The following RORA variants were observed in gnomAD, a reference collection of about 807,000 sequenced individuals.
The protein encoded by RORA is nuclear receptor ROR-alpha.
A neutral mutation model predicts 69.5 loss-of-function variants in RORA; 7 were observed. The observed-to-expected ratio is 0.10, with a 90% confidence interval of 0.06 to 0.19. The LOEUF (loss-of-function observed/expected upper bound fraction) is 0.19. RORA is among the 10% of genes least tolerant of loss of function. RORA has a pLI of 1.00. For missense variants in RORA, 457 were observed against 663.0 expected (o/e 0.69, Z 3.41); for synonymous variants, 261 against 240.8 (o/e 1.08, Z -0.78).
chr15:61,091,558 A>G (rs1595975463), intron 1 of RORA, among the ~76,000 whole-genome samples: 1 of 152,012 alleles, frequency 6.6e-6, no homozygotes, highest in Non-Finnish European at 1.5e-5. Flanking sequence ...ATGCCATGAA[A>G]CCTCTGGGAT....
chr15:60,881,914 C>T (rs2073684436), intron 1 of RORA, among the ~76,000 whole-genome samples: 1 of 152,216 alleles, frequency 6.6e-6, no homozygotes, highest in Non-Finnish European at 1.5e-5. Context: ...TAATTCATCA[C>T]CTTGTTGGCT....
chr15:60,969,503 T>G (rs1334778925), intron 1 of RORA, among the ~76,000 whole-genome samples: 2 of 152,198 alleles, frequency 1.3e-5, no homozygotes, highest in African/African-American at 2.4e-5. Context: ...TCAAAGGATA[T>G]TCACAGGATT....
chr15:61,181,622 C>T (rs112599529), intron 1 of RORA, among the ~76,000 whole-genome samples: 18 of 103,536 alleles, frequency 1.7e-4, no homozygotes, highest in East Asian at 9.2e-4. Context: ...CAGCAAAGAA[C>T]AAGCATTGTC....
intron 2 of RORA, among the ~76,000 whole-genome samples, chr15:60,665,078 G>C (rs1015770953): frequency 3.3e-5 from 5 of 152,198 alleles, no homozygotes; most frequent in Non-Finnish European, 7.3e-5. Flanking sequence ...GACAAACATA[G>C]CAAGTCACGT....
intron 2 of RORA, among the ~76,000 whole-genome samples, chr15:60,633,552 G>A (rs1378262963): frequency 6.6e-6 from 1 of 152,186 alleles, no homozygotes; most frequent in Non-Finnish European, 1.5e-5. Context: ...AGAGTTCAGA[G>A]GTCTTTGAAA....
intron 1 of RORA, among the ~76,000 whole-genome samples, chr15:60,993,815 C>T (rs1165886384): frequency 6.6e-6 from 1 of 152,014 alleles, no homozygotes; most frequent in Non-Finnish European, 1.5e-5. Flanking sequence ...TCTTAGACAC[C>T]CACAAACAGT....
At chr15:60,736,583 G>T (rs2071502832) in intron 1 of RORA, among the ~76,000 whole-genome samples, 1 of 152,150 alleles carries the variant, frequency 6.6e-6, no homozygotes, top group African/African-American at 2.4e-5. Flanking sequence ...TGCATTGGAG[G>T]TATGGTGATT....
intron 1 of RORA, among the ~76,000 whole-genome samples, chr15:60,893,882 C>A (rs970593284): frequency 6.6e-6 from 1 of 152,164 alleles, no homozygotes; most frequent in African/African-American, 2.4e-5. Flanking sequence ...AATGGACCTG[C>A]CCAAGGTTAT....
chr15:61,188,793 G>A (rs1032328935), intron 1 of RORA, among the ~76,000 whole-genome samples: 2 of 152,114 alleles, frequency 1.3e-5, no homozygotes, highest in South Asian at 2.1e-4. Context: ...TCTCAAAAAC[G>A]TCTAACGTCA....
intron 2 of RORA, among the ~76,000 whole-genome samples, chr15:60,615,781 A>G (rs1327525422): frequency 2.0e-5 from 3 of 152,224 alleles, no homozygotes; most frequent in Non-Finnish European, 4.4e-5. Context: ...TCCTTTTGTT[A>G]ATGAGCAAGG....
intron 1 of RORA, among the ~76,000 whole-genome samples, chr15:60,740,953 T>C (rs930567814): frequency 2.6e-5 from 4 of 152,236 alleles, no homozygotes; most frequent in Admixed American, 6.5e-5. Flanking sequence ...TTTTTGAGGC[T>C]GTGCAATTGG....
At chr15:61,160,743 A>C (rs2140883106) in intron 1 of RORA, among the ~76,000 whole-genome samples, 1 of 152,334 alleles carries the variant, frequency 6.6e-6, no homozygotes, top group South Asian at 2.1e-4. Flanking sequence ...GAAAAGATGG[A>C]GAATTCTCTG....
chr15:60,560,561 A>T, intron 2 of RORA, among the ~76,000 whole-genome samples: 1 of 152,130 alleles, frequency 6.6e-6, no homozygotes, highest in Non-Finnish European at 1.5e-5. Flanking sequence ...TGGTGGTGCC[A>T]GTCTGTGCCT....
intron 1 of RORA, among the ~76,000 whole-genome samples, chr15:60,895,556 C>T (rs1045102255): frequency 7.2e-6 from 1 of 139,144 alleles, no homozygotes; most frequent in Non-Finnish European, 1.6e-5. Context: ...TGCCTCCACC[C>T]CCCTCTCAGA....
chr15:61,042,112 C>T (rs1008395230), intron 1 of RORA, among the ~76,000 whole-genome samples: 2 of 152,094 alleles, frequency 1.3e-5, no homozygotes, highest in African/African-American at 2.4e-5. Flanking sequence ...AAATCCTTTC[C>T]GGAATACAAC....
intron 1 of RORA, among the ~76,000 whole-genome samples, chr15:61,018,745 T>G (rs983043983): frequency 6.6e-6 from 1 of 152,132 alleles, no homozygotes; most frequent in African/African-American, 2.4e-5. Flanking sequence ...ATAACACATA[T>G]GAGTACGTAT....
intron 2 of RORA, among the ~76,000 whole-genome samples, chr15:60,577,451 C>A (rs943186532): frequency 2.6e-5 from 4 of 152,062 alleles, no homozygotes; most frequent in Non-Finnish European, 4.4e-5. Flanking sequence ...CGAGACCAGC[C>A]TGGCCAACAT....
intron 1 of RORA, among the ~76,000 whole-genome samples, chr15:60,843,943 C>T (rs2073232684): frequency 6.6e-6 from 1 of 152,174 alleles, no homozygotes; most frequent in African/African-American, 2.4e-5. Context: ...CCTAATATAC[C>T]TACTCTGCTC....
At chr15:60,832,723 G>C (rs1159736871) in intron 1 of RORA, among the ~76,000 whole-genome samples, 2 of 152,110 alleles carry the variant, frequency 1.3e-5, no homozygotes, top group Non-Finnish European at 2.9e-5. Context: ...CAGAGGAAAA[G>C]TGTCATTCCC....
Sources: allele counts gnomAD v4.1 joint callset (sites outside exome capture counted in the v4.1 genomes callset), GRCh38; gene constraint gnomAD v4.1.1; transcripts MANE v1.5; gene names NCBI Gene and HGNC (gene_info 2026-07-23, HGNC 2026-07-21).